Variants in AGBL1 observed in about 807,000 individuals in gnomAD.
The protein encoded by AGBL1 is cytosolic carboxypeptidase 4.
In AGBL1, 130 loss-of-function variants were observed where a neutral mutation model predicts 118.9. That is an observed-to-expected ratio of 1.09 (90% confidence interval 0.95 to 1.26). AGBL1 has a LOEUF of 1.26. Ranked by LOEUF, AGBL1 falls within the 50% of genes most tolerant of loss-of-function variation. The pLI, the probability that AGBL1 is intolerant of heterozygous loss-of-function variation, is 0.00. For missense variants in AGBL1, 1,584 were observed against 1,298.1 expected (o/e 1.22, Z -3.38); for synonymous variants, 555 against 478.9 (o/e 1.16, Z -2.08).
chr15:86,572,771 T>C (rs1894643991), intron 21 of AGBL1, among the ~76,000 whole-genome samples: 2 of 152,256 alleles, frequency 1.3e-5, no homozygotes, highest in African/African-American at 4.8e-5. Context: ...TCAGCCAGCA[T>C]GATGGCAGTG....
intron 5 of AGBL1, among the ~76,000 whole-genome samples, chr15:86,182,702 G>A (rs1000003145): frequency 6.6e-6 from 1 of 152,082 alleles, no homozygotes; most frequent in Non-Finnish European, 1.5e-5. Context: ...AAGCAGAGCT[G>A]TTCTCTCAGT....
At chr15:87,016,476 A>G (rs926975196) in intron 24 of AGBL1, among the ~76,000 whole-genome samples, 7 of 152,194 alleles carry the variant, frequency 4.6e-5, no homozygotes, top group African/African-American at 1.7e-4. Flanking sequence ...TCAACAAAAT[A>G]CTTATCTCTC....
chr15:86,931,556 A>C (rs1481619414), intron 23 of AGBL1, among the ~76,000 whole-genome samples: 1 of 136,110 alleles, frequency 7.3e-6, no homozygotes, highest in Non-Finnish European at 1.6e-5. Flanking sequence ...CAAAATGAAT[A>C]GTGGTGCTTT....
intron 22 of AGBL1, among the ~76,000 whole-genome samples, chr15:86,780,693 G>A (rs557360923): frequency 7.8e-5 from 11 of 140,684 alleles, no homozygotes; most frequent in South Asian, 2.2e-4. Context: ...ACAGAGTCTC[G>A]CTCTGTCGCC....
intron 18 of AGBL1, among the ~76,000 whole-genome samples, chr15:86,448,104 C>T (rs952747221): frequency 2.0e-4 from 30 of 152,128 alleles, no homozygotes; most frequent in Admixed American, 1.6e-3. Context: ...GAGATCACGC[C>T]ACTGCACTCC....
chr15:86,920,083 G>A (rs756161740), downstream of AGBL1, among the ~76,000 whole-genome samples: 19 of 152,270 alleles, frequency 1.2e-4, no homozygotes, highest in Admixed American at 4.6e-4. Context: ...GGGAACCTCC[G>A]TGGGTTCTCT....
At chr15:86,553,763 A>T (rs2083694150) in intron 20 of AGBL1, among the ~76,000 whole-genome samples, 1 of 152,216 alleles carries the variant, frequency 6.6e-6, no homozygotes, top group African/African-American at 2.4e-5. Flanking sequence ...GCCTTGGTCC[A>T]TAGCAATACA....
At chr15:86,391,424 T>C (rs1308113495) in intron 17 of AGBL1, among the ~76,000 whole-genome samples, 1 of 151,998 alleles carries the variant, frequency 6.6e-6, no homozygotes, top group Non-Finnish European at 1.5e-5. Flanking sequence ...CCTTTTCCAC[T>C]CCTGTTTCCT....
chr15:86,382,148 G>C (rs1364436835), intron 17 of AGBL1, among the ~76,000 whole-genome samples: 1 of 151,098 alleles, frequency 6.6e-6, no homozygotes, highest in African/African-American at 2.4e-5. Context: ...ATCAGTCCCA[G>C]GGGATGGGGG....
chr15:86,876,471 C>T (rs1040630680), intron 22 of AGBL1, among the ~76,000 whole-genome samples: 2 of 152,138 alleles, frequency 1.3e-5, no homozygotes, highest in Non-Finnish European at 2.9e-5. Context: ...AGAAAACTGA[C>T]TCCTCAGGAA....
At chr15:86,133,823 A>G (rs574564324) in intron 1 of AGBL1, among the ~76,000 whole-genome samples, 18 of 152,182 alleles carry the variant, frequency 1.2e-4, no homozygotes, top group Admixed American at 2.6e-4. Flanking sequence ...GTCAGAAAAT[A>G]GTATATGCCA....
rs1225936471 is a variant in AGBL1, at chr15:86,365,016, CAT to C, written c.2375-32340_2375-32339del. Among the ~76,000 whole-genome samples, 17 of 122,012 alleles carry C rather than the reference CAT, an allele frequency of 1.4e-4. 1 individual carries two copies. The highest frequency in any genetic ancestry group is 5.3e-4 in the South Asian group (2 of 3,806). The allele number at this position is 122,012 out of a possible 152,430, so 80.0% of individuals were successfully genotyped here. ...ACACACACATATATATATACACACA[CAT>C]ATATATATACACACACATATATATA... On this transcript the variant is annotated intron_variant, in intron 17 of 22. Transcript: ENST00000614907.
intron 22 of AGBL1, among the ~76,000 whole-genome samples, chr15:86,780,963 T>A (rs1226760832): frequency 1.3e-5 from 2 of 152,168 alleles, no homozygotes; most frequent in Non-Finnish European, 2.9e-5. Flanking sequence ...CCACTGCACC[T>A]GGAATTTAAC....
intron 1 of AGBL1, among the ~76,000 whole-genome samples, chr15:86,099,507 A>G (rs533502018): frequency 6.0e-5 from 9 of 150,614 alleles, no homozygotes; most frequent in African/African-American, 2.2e-4. Context: ...TTCAAAGGAC[A>G]ATTTGATTTC....
intron 18 of AGBL1, among the ~76,000 whole-genome samples, chr15:86,481,308 C>T (rs1000266272): frequency 1.3e-5 from 2 of 151,932 alleles, no homozygotes; most frequent in African/African-American, 4.8e-5. Context: ...AAAAGGAAGT[C>T]AAAGTCTATT....
chr15:86,509,854 A>C (rs1451994519), intron 18 of AGBL1, among the ~76,000 whole-genome samples: 8 of 152,080 alleles, frequency 5.3e-5, no homozygotes, highest in African/African-American at 1.9e-4. Flanking sequence ...CAACAACAGC[A>C]AAACAAACAA....
In AGBL1 at chr15:86,365,001, A is replaced by ATATATATG. The variant is rs1555472721; in HGVS notation, c.2375-32358_2375-32357insGTATATAT. ...TATATATATATATACACACACACAT[A>ATATATATG]TATATATACACACACATATATATAT... is the stretch of plus-strand genomic sequence containing the variant. On this transcript the variant is annotated intron_variant, in intron 17 of 22. Coordinates refer to ENST00000614907, the MANE Select transcript of AGBL1 (RefSeq NM_001386094.1). Among the ~76,000 whole-genome samples, 462 of 131,728 alleles carry ATATATATG rather than the reference A, an allele frequency of 3.5e-3. 8 individuals carry two copies. The highest frequency in any genetic ancestry group is 7.6e-3 in the Admixed American group (99 of 13,048). The allele number at this position is 131,728 out of a possible 152,430, so 86.4% of individuals were successfully genotyped here. A position where few individuals can be genotyped will look rare whatever the true frequency, so the allele number is the denominator to read the frequency against.
At chr15:86,251,282 C>T (rs2142000844) in intron 7 of AGBL1, among the ~76,000 whole-genome samples, 1 of 152,246 alleles carries the variant, frequency 6.6e-6, no homozygotes, top group Non-Finnish European at 1.5e-5. Flanking sequence ...TGCTTTTGCC[C>T]ACTGTACCAG....
intron 18 of AGBL1, among the ~76,000 whole-genome samples, chr15:86,460,254 G>A (rs2082315105): frequency 6.8e-6 from 1 of 147,228 alleles, no homozygotes; most frequent in Non-Finnish European, 1.5e-5. Flanking sequence ...GGCTGCGGTG[G>A]GAGGATTGCC....
Sources: gnomAD v4.1 joint callset for allele counts (sites outside exome capture counted in the v4.1 genomes callset) on GRCh38, gnomAD v4.1.1 for gene constraint, MANE v1.5 for transcripts, NCBI Gene and HGNC (gene_info 2026-07-23, HGNC 2026-07-21) for gene names.